The following IL1RAP variants were observed in gnomAD, a reference collection of about 807,000 sequenced individuals.
The protein encoded by IL1RAP is interleukin-1 receptor accessory protein.
In IL1RAP, 35 loss-of-function variants were observed where a neutral mutation model predicts 60.7. That is an observed-to-expected ratio of 0.58 (90% CI 0.44 to 0.76). The LOEUF (loss-of-function observed/expected upper bound fraction) is 0.76. IL1RAP is among the 30% of genes least tolerant of loss of function. The pLI is 0.00. For synonymous variants in IL1RAP, 268 were observed against 250.9 expected (o/e 1.07, Z -0.64); for missense variants, 572 against 693.9 (o/e 0.82, Z 1.97).
At chr3:190,617,591 T>C (rs1474961370) in intron 5 of IL1RAP, among the ~76,000 whole-genome samples, 1 of 152,266 alleles carries the variant, frequency 6.6e-6, no homozygotes, top group African/African-American at 2.4e-5. Flanking sequence ...TCATTTCTTA[T>C]ATTTTAAAGC....
intron 1 of IL1RAP, among the ~76,000 whole-genome samples, chr3:190,530,870 C>T (rs1722927525): frequency 6.6e-6 from 1 of 152,178 alleles, no homozygotes; most frequent in Non-Finnish European, 1.5e-5. Flanking sequence ...TTGATAACAG[C>T]TCTGCAAGGT....
At chr3:190,611,898 C>G (rs1401917958) in intron 5 of IL1RAP, among the ~76,000 whole-genome samples, 2 of 152,008 alleles carry the variant, frequency 1.3e-5, no homozygotes, top group Non-Finnish European at 2.9e-5. Flanking sequence ...CCACCAATTG[C>G]AATGAATCAA....
chr3:190,591,552 G>A (rs1397105183), intron 3 of IL1RAP, among the ~76,000 whole-genome samples: 1 of 152,122 alleles, frequency 6.6e-6, no homozygotes, highest in East Asian at 1.9e-4. Context: ...TAGACCTGAG[G>A]CCTGTATTTT....
intron 1 of IL1RAP, among the ~76,000 whole-genome samples, chr3:190,538,824 T>A (rs1469670748): frequency 6.6e-6 from 1 of 152,056 alleles, no homozygotes. Context: ...GCAAGTGAGT[T>A]CTCACGAGAT....
rs1166716731 is a variant in IL1RAP at position 190,554,060 on chromosome 3, CAAAAAAAAAAAA to C, written c.-88-2053_-88-2042del. 6.8e-5 allele frequency among the ~76,000 whole-genome samples: 6 copies of C among 87,908 alleles called. 1 individual carries two copies. Among genetic ancestry groups the C allele is most frequent in the South Asian group, 4.0e-4 (1 of 2,512 alleles). The allele number at this position is 87,908 out of a possible 152,430, so 57.7% of individuals were successfully genotyped here. On this transcript the variant is annotated intron_variant, in intron 1 of 11. Coordinates refer to ENST00000447382, the MANE Select transcript of IL1RAP (RefSeq NM_002182.4). The stretch of plus-strand genomic sequence containing the variant: ...TGGGCGACAGAGCGAGACTCCGTCT[CAAAAAAAAAAAA>C]AAAAAAAAAAAAAAAAGAAATGAGA...
intron 3 of IL1RAP, among the ~76,000 whole-genome samples, chr3:190,573,559 C>T (rs1727187198): frequency 6.6e-6 from 1 of 152,168 alleles, no homozygotes; most frequent in Non-Finnish European, 1.5e-5. Context: ...AGGGGAATTT[C>T]AGGAAGAAAG....
At chr3:190,565,186 A>G (rs1455592538) in intron 3 of IL1RAP, among the ~76,000 whole-genome samples, 2 of 151,988 alleles carry the variant, frequency 1.3e-5, no homozygotes, top group African/African-American at 4.8e-5. Flanking sequence ...AAAGAAACAA[A>G]CAAACAAACA....
chr3:190,584,828 G>A (rs1728309724), intron 3 of IL1RAP, among the ~76,000 whole-genome samples: 2 of 152,026 alleles, frequency 1.3e-5, no homozygotes, highest in African/African-American at 4.8e-5. Flanking sequence ...TTGCTCCCAG[G>A]CCCATCACTG....
At chr3:190,607,200 A>G (rs190439677) in intron 4 of IL1RAP, among the ~76,000 whole-genome samples, 27 of 152,228 alleles carry the variant, frequency 1.8e-4, no homozygotes, top group African/African-American at 6.0e-4. Context: ...CAGATAAGCC[A>G]AATAGGTGTT....
At chr3:190,549,262 G>A (rs1232802947) in intron 1 of IL1RAP, among the ~76,000 whole-genome samples, 1 of 152,156 alleles carries the variant, frequency 6.6e-6, no homozygotes, top group Non-Finnish European at 1.5e-5. Flanking sequence ...TTCTCCCAGT[G>A]CGCAGGCTGG....
At chr3:190,630,930 G>A (rs112955564) in intron 9 of IL1RAP, among the ~76,000 whole-genome samples, 2,955 of 152,076 alleles carry the variant, frequency 0.019, 87 homozygotes, top group African/African-American at 0.068. Flanking sequence ...ACAGTTATTG[G>A]CATATATACC....
At chr3:190,522,767 C>A (rs1722199344) in intron 1 of IL1RAP, among the ~76,000 whole-genome samples, 1 of 152,110 alleles carries the variant, frequency 6.6e-6, no homozygotes, top group Non-Finnish European at 1.5e-5. Context: ...AGGAATTAGA[C>A]CAGTGATAAA....
At position 190,648,762 on chromosome 3, in the gene IL1RAP, C is replaced by T. The variant is rs1057164065; in HGVS notation, c.*57C>T. 6.5e-7 allele frequency: 1 copy of T among 1,536,474 alleles called. No individual in the cohort carries two copies. The highest frequency in any genetic ancestry group is 8.7e-7 in the Non-Finnish European group (1 of 1,146,262). On this transcript the variant is annotated 3_prime_UTR_variant, in exon 12 of 12. Coordinates refer to ENST00000447382, the MANE Select transcript of IL1RAP (RefSeq NM_002182.4). ...GGGTGCTCCAGGAAGAAAGAGTCCC[C>T]CCAGTCTTCATTCGCAGTTTATGGT...
chr3:190,601,269 C>T (rs2108745654), intron 3 of IL1RAP, among the ~76,000 whole-genome samples: 1 of 152,334 alleles, frequency 6.6e-6, no homozygotes, highest in African/African-American at 2.4e-5. Flanking sequence ...CAGGCGTGAG[C>T]CACCATGCCC....
intron 6 of IL1RAP, among the ~76,000 whole-genome samples, chr3:190,621,829 T>C (rs1731809123): frequency 6.6e-6 from 1 of 152,242 alleles, no homozygotes; most frequent in African/African-American, 2.4e-5. Context: ...CATTTTTATA[T>C]GGTTAATATA....
downstream of IL1RAP, among the ~76,000 whole-genome samples, chr3:190,655,558 CGTGTGTGT>C (rs34341875): frequency 0.014 from 1,842 of 131,160 alleles, 48 homozygotes; most frequent in African/African-American, 0.048. Context: ...AATTGCCCAC[CGTGTGTGT>C]GTGTGTGTGT....
intron 10 of IL1RAP, among the ~76,000 whole-genome samples, chr3:190,644,975 G>A (rs1385889401): frequency 3.9e-5 from 6 of 152,270 alleles, no homozygotes; most frequent in African/African-American, 1.4e-4. Context: ...AACATATCAC[G>A]TGTAGCTTAT....
In IL1RAP at chr3:190,615,382, T is replaced by C. The variant is rs748688311; in HGVS notation, c.538-4893T>C. ...AATGCAGTCCTTTTGTTGTTGCTTT[T>C]GTTACTGATGAGATTAATTTAGAGT... On this transcript the variant is annotated intron_variant, in intron 5 of 11. Coordinates refer to ENST00000447382, the MANE Select transcript of IL1RAP (RefSeq NM_002182.4). 15 of 960,074 alleles carry C rather than the reference T, an allele frequency of 1.6e-5. No individual in the cohort carries two copies. In the Admixed American group the frequency reaches 3.5e-4, roughly 22 times the overall value. The allele number at this position is 960,074 out of a possible 1,614,324, so 59.5% of individuals were successfully genotyped here.
chr3:190,610,826 T>G (rs747095611), intron 5 of IL1RAP, among the ~76,000 whole-genome samples: 1 of 152,210 alleles, frequency 6.6e-6, no homozygotes, highest in Non-Finnish European at 1.5e-5. Context: ...GGGAGTCAAC[T>G]TGAAGAGTCT....
Sources: allele counts gnomAD v4.1 joint callset (sites outside exome capture counted in the v4.1 genomes callset), GRCh38; gene constraint gnomAD v4.1.1; transcripts MANE v1.5; gene names NCBI Gene and HGNC (gene_info 2026-07-23, HGNC 2026-07-21).